Variants in YME1L1 observed in about 807,000 individuals in gnomAD.
YME1L1 encodes ATP-dependent zinc metalloprotease YME1L1.
YME1L1 carries 39 observed loss-of-function variants against 90.4 expected under a neutral mutation model. That is an observed-to-expected ratio of 0.43 (90% CI 0.33 to 0.56). YME1L1 has a LOEUF of 0.56. Ranked by LOEUF, YME1L1 falls within the 20% of genes least tolerant of loss-of-function variation. The probability of loss-of-function intolerance (pLI) is 0.03; values close to 1 mark genes in which losing one functional copy is unlikely to be tolerated. For synonymous variants in YME1L1, 284 were observed against 287.3 expected, an observed-to-expected ratio of 0.99 and a Z score of 0.12; for missense variants, 617 against 868.4, an observed-to-expected ratio of 0.71 and a Z score of 3.64.
chr10:27,132,764 G>A (rs1467663622), intron 7 of YME1L1, among the ~76,000 whole-genome samples: 17 of 151,946 alleles, frequency 1.1e-4, no homozygotes, highest in African/African-American at 3.9e-4. Flanking sequence ...AGGTTGCAGC[G>A]AGCCAAGATT....
intron 2 of YME1L1, chr10:27,147,221 G>T: frequency 1.7e-6 from 1 of 604,958 alleles, no homozygotes; most frequent in East Asian, 2.7e-5. Context: ...GGCCTAGCAT[G>T]GTGGCTCGAG....
chr10:27,148,167 T>A (rs530789963), intron 2 of YME1L1, among the ~76,000 whole-genome samples: 7 of 152,016 alleles, frequency 4.6e-5, no homozygotes, highest in Admixed American at 4.6e-4. Context: ...TGTTTTTTTT[T>A]AGATTAAACC....
intron 9 of YME1L1, among the ~76,000 whole-genome samples, chr10:27,125,977 A>G (rs1291426442): frequency 6.6e-6 from 1 of 152,136 alleles, no homozygotes; most frequent in Admixed American, 6.6e-5. Flanking sequence ...ACACCCAGTA[A>G]TGTCCTAATT....
chr10:27,153,142 C>T, intron 1 of YME1L1: 2 of 468,200 alleles, frequency 4.3e-6, no homozygotes, highest in Non-Finnish European at 8.8e-6. Context: ...GCCTGTGATA[C>T]CTGTTCACTC....
At position 27,136,321 on chromosome 10, in the gene YME1L1, G is replaced by A. The variant is rs1436750693; in HGVS notation, c.495C>T (p.Ser165=). 8.1e-6 allele frequency: 13 copies of A among 1,613,484 alleles called. No individual in the cohort carries two copies. Among genetic ancestry groups the A allele is most frequent in the African/African-American group, 1.3e-5 (1 of 74,774 alleles). ...KSRTRRLQST[S]ERLAETQNIA... is the part of the protein sequence containing the mutation. ...TATTCTGTGTTTCAGCTAATCTCTC[G>A]GAGGTAGACTGGAGACGTCGTGTCC... The change falls in exon 5 of 19, where the codon TCC becomes TCT. Residue 165 remains serine, a synonymous_variant. Transcript: ENST00000376016.
intron 9 of YME1L1, among the ~76,000 whole-genome samples, chr10:27,125,366 G>A (rs944742551): frequency 8.2e-5 from 12 of 146,176 alleles, no homozygotes; most frequent in African/African-American, 3.0e-4. Flanking sequence ...AAATAATTAG[G>A]CAAGTACTCT....
intron 3 of YME1L1, among the ~76,000 whole-genome samples, chr10:27,144,597 T>A (rs2057122862): frequency 6.6e-6 from 1 of 152,040 alleles, no homozygotes; most frequent in Non-Finnish European, 1.5e-5. Flanking sequence ...TAAAAAAAAA[T>A]GTAGACATTC....
At position 27,120,482 on chromosome 10, in the gene YME1L1, C is replaced by T. The variant is rs778140275; in HGVS notation, c.1364G>A (p.Arg455Gln). The T allele has an allele frequency of 1.9e-6, 3 of 1,613,686 alleles. No individual in the cohort carries two copies. The highest frequency in any genetic ancestry group is 2.5e-6 in the Non-Finnish European group (3 of 1,179,766). Reference protein sequence around the residue: ...VTVPRPDVKGRTEILKWYLNK... With the variant: ...VTVPRPDVKGQTEILKWYLNK... ...GAGATACCATTTCAAAATTTCTGTT[C>T]GACCTTTTACATCTGGCCTTGGAAC... is the stretch of plus-strand genomic sequence containing the variant. Residue 455 changes from arginine (R) to glutamine (Q), a missense_variant, in exon 13 of 19, where the codon CGA becomes CAA. This residue lies in a region of YME1L1 where 212 missense variants were observed against 330.0 expected (regional missense o/e 0.64). Coordinates refer to ENST00000376016, the MANE Select transcript of YME1L1 (RefSeq NM_014263.4).
intron 7 of YME1L1, 86 bp from the exon 8 acceptor site, chr10:27,132,027 T>C: frequency 9.2e-7 from 1 of 1,083,936 alleles, no homozygotes; most frequent in Non-Finnish European, 1.3e-6. Context: ...AAGCAAAGCC[T>C]AGAAAAATTA....
chr10:27,152,748 A>G, intron 1 of YME1L1, among the ~76,000 whole-genome samples: 1 of 151,206 alleles, frequency 6.6e-6, no homozygotes, highest in Non-Finnish European at 1.5e-5. Context: ...CTCTCATGCA[A>G]TTCCACTTTC....
rs769075309 is a variant in YME1L1, at chr10:27,119,341, A to G, written c.1520T>C (p.Met507Thr). 6.2e-7 allele frequency: 1 copy of G among 1,613,396 alleles called. No individual in the cohort carries two copies. Among genetic ancestry groups the G allele is most frequent in the Non-Finnish European group, 8.5e-7 (1 of 1,179,780 alleles). Residue 507 changes from methionine to threonine, a missense_variant, in exon 14 of 19, where the codon ATG becomes ACG. Physicochemically the swap from Met to Thr is moderately conservative, Grantham distance 81. This residue lies in a region of YME1L1 where 212 missense variants were observed against 330.0 expected (regional missense o/e 0.64). Coordinates refer to ENST00000376016, the MANE Select transcript of YME1L1 (RefSeq NM_014263.4). Reference sequence around the variant, plus strand: ...AAACTCCAGCTCCTTCATGGTAACCATTTCTTTTCCATCAACAGCTGCTTT... The same window carrying G: ...AAACTCCAGCTCCTTCATGGTAACCGTTTCTTTTCCATCAACAGCTGCTTT... ...ALKAAVDGKE[M>T]VTMKELEFSK...
At chr10:27,149,827 C>A (rs34056679) in intron 1 of YME1L1, among the ~76,000 whole-genome samples, 12,328 of 143,260 alleles carry the variant, frequency 0.086, 702 homozygotes, top group East Asian at 0.29. Flanking sequence ...GTAATCCCAG[C>A]ACTTTGGGAG....
At chr10:27,134,789 CA>C in intron 6 of YME1L1, 41 bp downstream of exon 6, 1 of 1,600,542 alleles carries the variant, frequency 6.2e-7, no homozygotes, top group South Asian at 1.1e-5. Flanking sequence ...GACTTCCTTT[CA>C]GTTACTCTTC....
chr10:27,112,614 T>C (rs970856983), intron 18 of YME1L1, among the ~76,000 whole-genome samples: 1 of 152,210 alleles, frequency 6.6e-6, no homozygotes, highest in African/African-American at 2.4e-5. Context: ...TCCAGGCCAT[T>C]TGACTATGGA....
intron 9 of YME1L1, 56 bp downstream of exon 9, chr10:27,126,640 T>C: frequency 1.0e-6 from 1 of 972,838 alleles, no homozygotes; most frequent in Non-Finnish European, 1.5e-6. Context: ...TTTTTTTTGT[T>C]TGTTTCTTTG....
chr10:27,143,810 G>C (rs182115063), intron 3 of YME1L1, among the ~76,000 whole-genome samples: 1 of 152,014 alleles, frequency 6.6e-6, no homozygotes, highest in Non-Finnish European at 1.5e-5. Context: ...AAGCTCTAAT[G>C]GTATAATAAA....
At chr10:27,143,355 G>A (rs1384383793) in intron 3 of YME1L1, among the ~76,000 whole-genome samples, 1 of 150,056 alleles carries the variant, frequency 6.7e-6, no homozygotes, top group Admixed American at 6.7e-5. Context: ...GGCAACAAGA[G>A]TGAAACTCAG....
intron 4 of YME1L1, among the ~76,000 whole-genome samples, chr10:27,139,074 G>A (rs2057058465): frequency 6.6e-6 from 1 of 151,560 alleles, no homozygotes; most frequent in East Asian, 1.9e-4. Flanking sequence ...AATATTTTTA[G>A]CACATTTCTA....
chr10:27,133,410 T>C (rs1693715177), intron 7 of YME1L1, among the ~76,000 whole-genome samples: 1 of 152,170 alleles, frequency 6.6e-6, no homozygotes. Flanking sequence ...AAGCCCAAAA[T>C]ACTGTTAAGA....
Sources: gnomAD v4.1 joint callset for allele counts (sites outside exome capture counted in the v4.1 genomes callset) on GRCh38, gnomAD v4.1.1 for gene constraint, gnomAD v4.1.1 regional missense constraint, MANE v1.5 for transcripts, NCBI Gene and HGNC (gene_info 2026-07-23, HGNC 2026-07-21) for gene names.